Variants in HEATR4 observed in about 807,000 individuals in gnomAD.
HEATR4 encodes the protein HEAT repeat-containing protein 4.
HEATR4 carries 95 observed loss-of-function variants against 108.8 expected under a neutral mutation model. The ratio of observed to expected loss-of-function variants is 0.87; its 90% CI spans 0.74 to 1.04. HEATR4 has a LOEUF of 1.04. HEATR4 is among the 50% of genes least tolerant of loss of function. The probability of loss-of-function intolerance (pLI) is 0.00; values close to 1 mark genes in which losing one functional copy is unlikely to be tolerated. For synonymous variants in HEATR4, 443 were observed against 459.4 expected (o/e 0.96, Z 0.46); for missense variants, 1,152 against 1,253.8 (o/e 0.92, Z 1.23).
the HEATR4 span, among the ~76,000 whole-genome samples, chr14:73,594,706 T>TTATC: frequency 5.8e-4 from 87 of 150,942 alleles, no homozygotes; most frequent in African/African-American, 2.0e-3. Context: ...ATTTATTTAT[T>TTATC]TATTTATCTT....
At chr14:73,512,979 G>C (rs1373449806) in intron 6 of HEATR4, among the ~76,000 whole-genome samples, 1 of 152,124 alleles carries the variant, frequency 6.6e-6, no homozygotes, top group Non-Finnish European at 1.5e-5. Flanking sequence ...CTTTGTCCCA[G>C]GCACTCAGAC....
chr14:73,506,378 G>A, intron 10 of HEATR4, 89 bp downstream of exon 10: 1 of 836,222 alleles, frequency 1.2e-6, no homozygotes. Flanking sequence ...TGGTAAGAAT[G>A]GAATAATACA....
rs1172647949 is a variant in HEATR4 at position 73,553,400 on chromosome 14, ACG to A, written c.-152+5349_-152+5350del. On this transcript the variant is annotated intron_variant, in intron 1 of 17. Transcript: ENST00000553558. ...GTAGCACTCGCCTGTAATCCCAGCTACGGGGGAGGCTGAGGCAGGAGAATCAC... is the reference window on the plus strand; with the variant it reads ...GTAGCACTCGCCTGTAATCCCAGCTAGGGGAGGCTGAGGCAGGAGAATCAC... Among the ~76,000 whole-genome samples, 4 of 112,478 alleles carry A rather than the reference ACG, an allele frequency of 3.6e-5. 1 individual carries two copies. Among genetic ancestry groups the A allele is most frequent in the African/African-American group, 1.1e-4 (4 of 34,876 alleles). 73.8% of individuals were successfully genotyped at this position (112,478 alleles called of 152,430 possible).
the HEATR4 span, chr14:73,581,132 C>CTTTTTTTTTTTTTTTT: frequency 6.9e-6 from 1 of 144,310 alleles, no homozygotes; most frequent in Non-Finnish European, 1.5e-5. Flanking sequence ...TCACCTCACA[C>CTTTTTTTTTTTTTTTT]TTTTTTTTTT....
At chr14:73,630,968 T>A in the HEATR4 span, among the ~76,000 whole-genome samples, 4 of 152,174 alleles carry the variant, frequency 2.6e-5, no homozygotes, top group Non-Finnish European at 5.9e-5. Flanking sequence ...AAGTCCTTGC[T>A]TTTCAGAGAA....
At chr14:73,487,184 C>A (rs115127372) in intron 17 of HEATR4, among the ~76,000 whole-genome samples, 399 of 134,692 alleles carry the variant, frequency 3.0e-3, no homozygotes, top group Middle Eastern at 3.8e-3. Context: ...TGATTCAAAA[C>A]AAAAAAAAAA....
intron 2 of HEATR4, among the ~76,000 whole-genome samples, chr14:73,524,606 G>A (rs552328050): frequency 1.3e-5 from 2 of 150,164 alleles, no homozygotes; most frequent in South Asian, 4.3e-4. Flanking sequence ...GTTCAGAGAG[G>A]TAGGTAAATT....
chr14:73,506,062 T>A (rs541368419), intron 10 of HEATR4, among the ~76,000 whole-genome samples: 1 of 152,012 alleles, frequency 6.6e-6, no homozygotes, highest in East Asian at 1.9e-4. Context: ...TGCTAATTTT[T>A]GTATTTTTAG....
rs562643135 is a variant in HEATR4 at position 73,551,369 on chromosome 14, G to A, written c.-152+7382C>T. On this transcript the variant is annotated intron_variant, in intron 1 of 17. Transcript: ENST00000553558. ...TCAGGTGGTGGTTGACAGTTATCAC[G>A]TTGCCTCTCTAAACTGAAAATTCGC... 4.5e-4 allele frequency among the ~76,000 whole-genome samples: 52 copies of A among 114,512 alleles called. 8 individuals carry two copies. Among genetic ancestry groups the A allele is most frequent in the African/African-American group, 1.5e-3 (52 of 35,324 alleles). 75.1% of individuals were successfully genotyped at this position (114,512 alleles called of 152,430 possible). A position where few individuals can be genotyped will look rare whatever the true frequency, so the allele number is the denominator to read the frequency against.
the HEATR4 span, among the ~76,000 whole-genome samples, chr14:73,565,687 G>T: frequency 6.6e-6 from 1 of 151,984 alleles, no homozygotes; most frequent in African/African-American, 2.4e-5. Context: ...TCTTAAGGCG[G>T]CGTGTCTGGA....
chr14:73,619,919 CTTTT>C, the HEATR4 span: 120 of 1,173,804 alleles, frequency 1.0e-4, no homozygotes, highest in Admixed American at 2.8e-4. Context: ...TTTCTTTTCT[CTTTT>C]TTTTTTTTTT....
intron 7 of HEATR4, among the ~76,000 whole-genome samples, chr14:73,509,809 CCCATATAT>C (rs1486941430): frequency 0.021 from 110 of 5,188 alleles, 5 homozygotes; most frequent in Non-Finnish European, 0.023. Flanking sequence ...GCCCCATGAG[CCCATATAT>C]ATATATATAT....
chr14:73,619,852 A>C, the HEATR4 span: 3 of 1,563,700 alleles, frequency 1.9e-6, no homozygotes, highest in South Asian at 3.6e-5. Context: ...TTGTAGCCAC[A>C]GACCAGATAC....
rs1048149467 is a variant in HEATR4, at chr14:73,523,275, G to A, written c.-72-51C>T. ...TGAGAACTCTAGAGCAGCAGAAATTGGTAGCCCATAGCAGTTCAGAAAGAG... is the reference window on the plus strand; with the variant it reads ...TGAGAACTCTAGAGCAGCAGAAATTAGTAGCCCATAGCAGTTCAGAAAGAG... On this transcript the variant is annotated intron_variant, in intron 2 of 17. Coordinates refer to ENST00000553558, the MANE Select transcript of HEATR4 (RefSeq NM_001220484.1). 35 of 944,762 alleles carry A rather than the reference G, an allele frequency of 3.7e-5. No individual in the cohort carries two copies. In the African/African-American group the frequency reaches 5.6e-4, roughly 15 times the overall value. 58.5% of individuals were successfully genotyped at this position (944,762 alleles called of 1,614,324 possible).
At chr14:73,569,950 C>A in the HEATR4 span, 1 of 1,516,758 alleles carries the variant, frequency 6.6e-7, no homozygotes, top group African/African-American at 1.4e-5. Flanking sequence ...CCCCGCCCCA[C>A]GCTTTTCGCT....
chr14:73,541,074 C>G (rs1889070826), intron 1 of HEATR4, among the ~76,000 whole-genome samples: 1 of 113,942 alleles, frequency 8.8e-6, no homozygotes, highest in Admixed American at 9.7e-5. Context: ...GTGTGAAACA[C>G]AAAACCTTTA....
chr14:73,575,527 A>G, the HEATR4 span: 1 of 1,501,188 alleles, frequency 6.7e-7, no homozygotes, highest in Non-Finnish European at 8.9e-7. Context: ...TTATTTGATC[A>G]TGTGGCCTCT....
rs985871274 is a variant in HEATR4, at chr14:73,495,130, C to A, written c.2785+98G>T. The A allele has an allele frequency of 6.8e-6, 7 of 1,027,892 alleles. 1 individual carries two copies. In the Middle Eastern group the frequency reaches 8.6e-4, roughly 127 times the overall value. 63.7% of individuals were successfully genotyped at this position (1,027,892 alleles called of 1,614,324 possible). A position where few individuals can be genotyped will look rare whatever the true frequency, so the allele number is the denominator to read the frequency against. On this transcript the variant is annotated intron_variant, in intron 16 of 17. Coordinates refer to ENST00000553558, the MANE Select transcript of HEATR4 (RefSeq NM_001220484.1). ...AGAGAGTACCCTTTCCTGACTCTTT[C>A]ATCCTCTAAGGCTTGCTACTAAGTC...
chr14:73,537,997 C>T, intron 1 of HEATR4: 1 of 868,076 alleles, frequency 1.2e-6, no homozygotes, highest in Non-Finnish European at 1.5e-6. Flanking sequence ...GTGTGTCCCT[C>T]CTCCCGCCCC....
Sources: allele counts gnomAD v4.1 joint callset (sites outside exome capture counted in the v4.1 genomes callset), GRCh38; gene constraint gnomAD v4.1.1; transcripts MANE v1.5; gene names NCBI Gene and HGNC (gene_info 2026-07-23, HGNC 2026-07-21).